RANBP9: variants seen among roughly 807,000 people sequenced by gnomAD.
RANBP9 encodes ran-binding protein 9.
A neutral mutation model predicts 84.3 loss-of-function variants in RANBP9; 15 were observed. The ratio of observed to expected loss-of-function variants is 0.18; its 90% CI spans 0.12 to 0.27. The LOEUF (loss-of-function observed/expected upper bound fraction) is 0.27, where lower values mean the gene tolerates loss of function less well. RANBP9 is among the 10% of genes least tolerant of loss of function. RANBP9 has a pLI of 1.00. For synonymous variants in RANBP9, 392 were observed against 349.6 expected, an observed-to-expected ratio of 1.12 and a Z score of -1.35; for missense variants, 809 against 912.8, an observed-to-expected ratio of 0.89 and a Z score of 1.46.
intron 13 of RANBP9, among the ~76,000 whole-genome samples, chr6:13,624,765 A>G (rs1387648128): frequency 6.6e-6 from 1 of 152,148 alleles, no homozygotes; most frequent in African/African-American, 2.4e-5. Context: ...CTCGCCTTTT[A>G]AATTGCTTTT....
chr6:13,670,951 A>G (rs1375663392), intron 2 of RANBP9, among the ~76,000 whole-genome samples: 1 of 152,200 alleles, frequency 6.6e-6, no homozygotes, highest in Non-Finnish European at 1.5e-5. Flanking sequence ...GTAACTTTTT[A>G]CAGTATATAT....
At chr6:13,657,470 A>C (rs1161168280) in intron 3 of RANBP9, among the ~76,000 whole-genome samples, 194 bp from the exon 4 acceptor site, 1 of 152,202 alleles carries the variant, frequency 6.6e-6, no homozygotes, top group Non-Finnish European at 1.5e-5. Context: ...ATTTAAGAAA[A>C]ATAGCTACAC....
At chr6:13,707,111 C>T (rs532581399) in intron 1 of RANBP9, among the ~76,000 whole-genome samples, 3 of 152,120 alleles carry the variant, frequency 2.0e-5, no homozygotes, top group South Asian at 4.2e-4. Context: ...GAAGCCTCAA[C>T]CTCCTGGGCT....
chr6:13,694,281 G>A (rs1244515812), intron 2 of RANBP9, among the ~76,000 whole-genome samples: 1 of 152,142 alleles, frequency 6.6e-6, no homozygotes. Context: ...ACTGGGGAGT[G>A]GGTAAGCAAA....
chr6:13,640,283 ACATCT>A (rs1202516512), intron 8 of RANBP9, among the ~76,000 whole-genome samples: 1 of 152,218 alleles, frequency 6.6e-6, no homozygotes, highest in Non-Finnish European at 1.5e-5. Flanking sequence ...AAGCTCAGTA[ACATCT>A]CATTTTTTAA....
intron 10 of RANBP9, among the ~76,000 whole-genome samples, chr6:13,636,651 C>T (rs987647638): frequency 2.0e-5 from 3 of 152,222 alleles, no homozygotes; most frequent in Non-Finnish European, 4.4e-5. Context: ...TTTTACATTT[C>T]CATCTATTTT....
rs764471754 is a variant in RANBP9, at chr6:13,710,919, G to A, written c.571+16C>T. 11 of 1,590,976 alleles carry A rather than the reference G, an allele frequency of 6.9e-6. No homozygotes were observed. Among genetic ancestry groups the A allele is most frequent in the African/African-American group, 1.4e-5 (1 of 73,352 alleles). On this transcript the variant is annotated intron_variant, in intron 1 of 13. Transcript: ENST00000011619. ...GGTCAGTGCCCCACTCCCACCGCAGGACACACGCCCAGTACCTTTGTAGTG... is the reference window on the plus strand; with the variant it reads ...GGTCAGTGCCCCACTCCCACCGCAGAACACACGCCCAGTACCTTTGTAGTG...
chr6:13,698,518 C>T (rs1354205468), intron 1 of RANBP9, among the ~76,000 whole-genome samples: 2 of 152,084 alleles, frequency 1.3e-5, no homozygotes, highest in Non-Finnish European at 2.9e-5. Flanking sequence ...TAGATTGTTA[C>T]AAATAAATCT....
At chr6:13,685,094 G>A (rs997075478) in intron 2 of RANBP9, among the ~76,000 whole-genome samples, 1 of 152,076 alleles carries the variant, frequency 6.6e-6, no homozygotes, top group Non-Finnish European at 1.5e-5. Context: ...GAGTAATTTG[G>A]CCATGTGCAT....
intron 2 of RANBP9, among the ~76,000 whole-genome samples, chr6:13,668,435 AT>A (rs1435852731): frequency 2.0e-5 from 3 of 152,150 alleles, no homozygotes; most frequent in African/African-American, 7.2e-5. Flanking sequence ...TACAGAAAAA[AT>A]ATCCTTCATT....
At chr6:13,641,331 G>A (rs182716679) in intron 7 of RANBP9, 24 bp from the exon 8 acceptor site, 15 of 1,437,400 alleles carry the variant, frequency 1.0e-5, no homozygotes, top group Middle Eastern at 1.7e-4. Flanking sequence ...GAAAGCAAAC[G>A]ATTAACTTTT....
intron 13 of RANBP9, among the ~76,000 whole-genome samples, chr6:13,624,300 T>TA (rs776374088): frequency 3.1e-4 from 47 of 152,340 alleles, no homozygotes; most frequent in Non-Finnish European, 5.1e-4. Context: ...ATTCTTGCTG[T>TA]AAGAGTCCTG....
intron 5 of RANBP9, among the ~76,000 whole-genome samples, chr6:13,649,814 C>T (rs1765254466): frequency 1.3e-5 from 2 of 152,162 alleles, no homozygotes; most frequent in Non-Finnish European, 2.9e-5. Flanking sequence ...CTCACCTATT[C>T]CTAAAATCCA....
rs1173383612 is a variant in RANBP9 at position 13,711,715 on chromosome 6, ACGTTGGCCGGAGCGCGGGCGCGCGG to A, written c.-235_-211del. Among the ~76,000 whole-genome samples, 2 of 147,316 alleles carry A rather than the reference ACGTTGGCCGGAGCGCGGGCGCGCGG, an allele frequency of 1.4e-5. No individual in the cohort carries two copies. Among genetic ancestry groups the A allele is most frequent in the East Asian group, 4.1e-4 (2 of 4,852 alleles). ...GGCGGGCCCGGGAGGCCGGGAGAGAACGTTGGCCGGAGCGCGGGCGCGCGGCCCGGGGACGAGGCGCCGAGGGCGG... is the reference window on the plus strand; with the variant it reads ...GGCGGGCCCGGGAGGCCGGGAGAGAACCCGGGGACGAGGCGCCGAGGGCGG... On this transcript the variant is annotated 5_prime_UTR_variant, in exon 1 of 14. Transcript: ENST00000011619.
chr6:13,644,430 AGATAT>A, intron 6 of RANBP9, 110 bp downstream of exon 6: 1 of 967,462 alleles, frequency 1.0e-6, no homozygotes, highest in Non-Finnish European at 1.5e-6. Flanking sequence ...ATAATATAAT[AGATAT>A]GTCAGTATAT....
chr6:13,701,450 T>C (rs1757967973), intron 1 of RANBP9, among the ~76,000 whole-genome samples: 1 of 152,178 alleles, frequency 6.6e-6, no homozygotes, highest in African/African-American at 2.4e-5. Context: ...CTCAAATTCA[T>C]GAGCAAAGTA....
In RANBP9 at chr6:13,630,777, T is replaced by TC. The variant is rs1562296583; in HGVS notation, c.1947+1592_1947+1593insG. ...GGTCTGTATGCGAATACAGCTCACC[T>TC]ATTAAACCAAGCATTAAAGAGACTT... On this transcript the variant is annotated intron_variant, in intron 12 of 13. Coordinates refer to ENST00000011619, the MANE Select transcript of RANBP9 (RefSeq NM_005493.3). Among the ~76,000 whole-genome samples the TC allele has an allele frequency of 8.5e-5, 13 of 152,306 alleles. No homozygotes were observed. The South Asian group carries it at 2.5e-3, about 29-fold the overall frequency.
At chr6:13,674,893 C>A (rs144890604) in intron 2 of RANBP9, among the ~76,000 whole-genome samples, 69 of 152,278 alleles carry the variant, frequency 4.5e-4, no homozygotes, top group African/African-American at 1.6e-3. Flanking sequence ...TTGATTCAGT[C>A]TCATAATGAT....
At chr6:13,653,834 G>T (rs1765344135) in intron 4 of RANBP9, among the ~76,000 whole-genome samples, 1 of 152,010 alleles carries the variant, frequency 6.6e-6, no homozygotes, top group African/African-American at 2.4e-5. Context: ...GGAAAGCAAA[G>T]TTAGGGTTCC....
Sources: allele counts gnomAD v4.1 joint callset (sites outside exome capture counted in the v4.1 genomes callset), GRCh38; gene constraint gnomAD v4.1.1; transcripts MANE v1.5; gene names NCBI Gene and HGNC (gene_info 2026-07-23, HGNC 2026-07-21).